The following MFSD11 variants were observed in gnomAD, a reference collection of about 807,000 sequenced individuals.
The protein encoded by MFSD11 is major facilitator superfamily domain containing 11.
In MFSD11, 36 loss-of-function variants were observed where a neutral mutation model predicts 53.5. The observed-to-expected ratio is 0.67, with a 90% CI of 0.52 to 0.89. The LOEUF is 0.89. Among genes scored for constraint, MFSD11 ranks in the 40% least tolerant of loss-of-function variants. The probability of loss-of-function intolerance (pLI) is 0.00; values close to 1 mark genes in which losing one functional copy is unlikely to be tolerated. For synonymous variants in MFSD11, 186 were observed against 184.9 expected (o/e 1.01, Z -0.05); for missense variants, 530 against 543.9 (o/e 0.97, Z 0.25).
upstream of MFSD11, chr17:76,737,202 C>G: frequency 6.6e-7 from 1 of 1,505,582 alleles, no homozygotes; most frequent in Non-Finnish European, 8.9e-7. Flanking sequence ...CTGGCGCCGG[C>G]TTCCTCAGCT....
downstream of MFSD11, chr17:76,781,362 C>G (rs567720742): frequency 6.6e-6 from 1 of 152,368 alleles, no homozygotes; most frequent in South Asian, 2.1e-4. Flanking sequence ...CTGGAGAGAA[C>G]GAGAGCAAGA....
At chr17:76,766,162 A>T (rs1012562534) in intron 8 of MFSD11, among the ~76,000 whole-genome samples, 1 of 151,572 alleles carries the variant, frequency 6.6e-6, no homozygotes, top group South Asian at 2.1e-4. Flanking sequence ...CACGTCTGTG[A>T]TCCTAGCACT....
intron 5 of MFSD11, among the ~76,000 whole-genome samples, chr17:76,742,696 G>A (rs1023623627): frequency 8.6e-5 from 13 of 152,036 alleles, no homozygotes; most frequent in African/African-American, 3.1e-4. Context: ...AGTAGAGACG[G>A]AGTTTCACTA....
chr17:76,738,336 G>A lies in MFSD11; in HGVS notation c.-17G>A. ...CTGACTGCCCTGGGCTGCTGCCTCCGGCAGAGCTGAGCCAAAATGTCCCCG... is the reference window on the plus strand; with the variant it reads ...CTGACTGCCCTGGGCTGCTGCCTCCAGCAGAGCTGAGCCAAAATGTCCCCG... On this transcript the variant is annotated 5_prime_UTR_variant, in exon 1 of 13. Coordinates refer to ENST00000685175, the MANE Select transcript of MFSD11 (RefSeq NM_001242532.5). 1 of 1,601,292 alleles carries A rather than the reference G, an allele frequency of 6.2e-7. No homozygotes were observed. Among genetic ancestry groups the A allele is most frequent in the Non-Finnish European group, 8.6e-7 (1 of 1,168,404 alleles).
At chr17:76,748,497 C>A (rs1376039244) in intron 7 of MFSD11, among the ~76,000 whole-genome samples, 2 of 150,132 alleles carry the variant, frequency 1.3e-5, no homozygotes, top group Admixed American at 1.3e-4. Context: ...TCAGCCTGGG[C>A]AACATAGCAA....
At chr17:76,736,877 G>T (rs751713049), upstream of MFSD11, 157 of 1,610,816 alleles carry the variant, frequency 9.7e-5, no homozygotes, top group Non-Finnish European at 1.1e-4. Flanking sequence ...TGAGTCCGGG[G>T]GGCGGCCGTA....
intron 7 of MFSD11, among the ~76,000 whole-genome samples, chr17:76,746,347 A>G (rs893682468): frequency 6.6e-6 from 1 of 152,200 alleles, no homozygotes; most frequent in Admixed American, 6.5e-5. Context: ...CCATGACATA[A>G]AAGTGCAAGG....
chr17:76,797,476 A>G, the MFSD11 span, among the ~76,000 whole-genome samples: 2 of 152,210 alleles, frequency 1.3e-5, no homozygotes, highest in South Asian at 4.1e-4. Context: ...TACTTAGCAT[A>G]TAATGAGGTT....
chr17:76,748,458 CAAG>C (rs2078747714), intron 7 of MFSD11, among the ~76,000 whole-genome samples: 1 of 151,420 alleles, frequency 6.6e-6, no homozygotes, highest in Non-Finnish European at 1.5e-5. Context: ...GAGGCTGAGG[CAAG>C]AAGATCGCTT....
the MFSD11 span, among the ~76,000 whole-genome samples, chr17:76,787,133 CT>C: frequency 0.057 from 6,561 of 114,944 alleles, 378 homozygotes; most frequent in African/African-American, 0.18. Context: ...TGAGTGATTT[CT>C]TTTTTTTTTT....
upstream of MFSD11, chr17:76,737,487 C>A: frequency 3.0e-6 from 1 of 330,044 alleles, no homozygotes; most frequent in Non-Finnish European, 5.6e-6. Flanking sequence ...TGCGCACAGC[C>A]CGGCGGGCGG....
intron 8 of MFSD11, among the ~76,000 whole-genome samples, chr17:76,761,095 C>T (rs904697152): frequency 2.6e-5 from 4 of 152,076 alleles, no homozygotes; most frequent in Non-Finnish European, 5.9e-5. Flanking sequence ...ATCCCAACTA[C>T]TCAGGAGGCT....
chr17:76,778,138 T>C, intron 12 of MFSD11, 50 bp from the exon 13 acceptor site: 1 of 1,603,760 alleles, frequency 6.2e-7, no homozygotes, highest in Non-Finnish European at 8.5e-7. Flanking sequence ...TAACTGTGGC[T>C]CAGTGTGGCC....
At chr17:76,738,573 T>G in intron 1 of MFSD11, 125 bp downstream of exon 1, 1 of 688,710 alleles carries the variant, frequency 1.5e-6, no homozygotes, top group Non-Finnish European at 2.5e-6. Flanking sequence ...CCACCCAGAC[T>G]TCCTCATTTT....
At chr17:76,775,953 C>T (rs982132000) in intron 11 of MFSD11, among the ~76,000 whole-genome samples, 1 of 152,014 alleles carries the variant, frequency 6.6e-6, no homozygotes, top group South Asian at 2.1e-4. Context: ...TTTGTAAATT[C>T]TAGTCTTTAT....
rs1002107453 is a variant in MFSD11 at position 76,769,626 on chromosome 17, GTC to G, written c.749-116_749-115del. On this transcript the variant is annotated intron_variant, in intron 9 of 12. Coordinates refer to ENST00000685175, the MANE Select transcript of MFSD11 (RefSeq NM_001242532.5). ...GCTCTGCTTGGGGATTAATATTTCA[GTC>G]TCTGTGAGTTTTATGTGTTTTACTA... The G allele has an allele frequency of 2.0e-4, 140 of 691,950 alleles. No individual in the cohort carries two copies. The African/African-American group carries it at 2.4e-3, about 12-fold the overall frequency. The allele number at this position is 691,950 out of a possible 1,614,324, so 42.9% of individuals were successfully genotyped here.
chr17:76,750,889 C>G (rs115674800), intron 7 of MFSD11, among the ~76,000 whole-genome samples: 1 of 151,112 alleles, frequency 6.6e-6, no homozygotes, highest in Non-Finnish European at 1.5e-5. Context: ...CTGAAACCTC[C>G]GCCTTCCATG....
In MFSD11 at chr17:76,738,374, C is replaced by A. The variant is rs777995588; in HGVS notation, c.22C>A (p.Leu8Ile). ...CAAAATGTCCCCGGAATCTAAAAAG[C>A]TTTTCAACATCATTATTTTAGGAGT... MSPESKK[L>I]FNIIILGVAF... The change falls in exon 1 of 13, where the codon CTT becomes ATT. Residue 8 changes from leucine (L) to isoleucine (I), a missense_variant. Transcript: ENST00000685175. The A allele has an allele frequency of 1.2e-6, 2 of 1,614,020 alleles. No homozygotes were observed. The highest frequency in any genetic ancestry group is 1.6e-4 in the Middle Eastern group (1 of 6,062).
downstream of MFSD11, among the ~76,000 whole-genome samples, chr17:76,786,074 CA>C (rs35306490): frequency 0.018 from 1,379 of 75,854 alleles, 8 homozygotes; most frequent in Middle Eastern, 0.043. Flanking sequence ...GACTCCATCT[CA>C]AAAAAAAAAA....
Sources: gnomAD v4.1 joint callset for allele counts (sites outside exome capture counted in the v4.1 genomes callset) on GRCh38, gnomAD v4.1.1 for gene constraint, MANE v1.5 for transcripts, NCBI Gene and HGNC (gene_info 2026-07-23, HGNC 2026-07-21) for gene names.